The following FBXO10 variants were observed in gnomAD, a reference collection of about 807,000 sequenced individuals.
The protein encoded by FBXO10 is F-box only protein 10.
FBXO10 carries 39 observed loss-of-function variants against 80.7 expected under a neutral mutation model. The observed-to-expected ratio is 0.48, with a 90% CI of 0.37 to 0.63. The LOEUF (loss-of-function observed/expected upper bound fraction) is 0.63. Ranked by LOEUF, FBXO10 falls within the 30% of genes least tolerant of loss-of-function variation. The pLI is 0.00. For synonymous variants in FBXO10, 449 were observed against 489.6 expected, an observed-to-expected ratio of 0.92 and a Z score of 1.09; for missense variants, 1,025 against 1,269.0, an observed-to-expected ratio of 0.81 and a Z score of 2.92.
At chr9:37,562,047 C>T (rs561402323) in intron 1 of FBXO10, among the ~76,000 whole-genome samples, 2 of 152,342 alleles carry the variant, frequency 1.3e-5, no homozygotes, top group Admixed American at 1.3e-4. Context: ...ACCTCCCTCA[C>T]AGCACTGTCC....
At chr9:37,559,702 G>A (rs922496690) in intron 1 of FBXO10, among the ~76,000 whole-genome samples, 10 of 152,234 alleles carry the variant, frequency 6.6e-5, no homozygotes, top group African/African-American at 1.7e-4. Flanking sequence ...GTTACTTCTC[G>A]ACTAGAGCAC....
chr9:37,521,017 T>TCA (rs959873149), intron 8 of FBXO10, among the ~76,000 whole-genome samples: 1 of 152,174 alleles, frequency 6.6e-6, no homozygotes, highest in Admixed American at 6.6e-5. Flanking sequence ...AGGGGGATAT[T>TCA]CACAACAGGT....
chr9:37,533,400 GC>G (rs2119101236), intron 3 of FBXO10, among the ~76,000 whole-genome samples: 1 of 149,082 alleles, frequency 6.7e-6, no homozygotes, highest in South Asian at 2.1e-4. Context: ...ACAAAAACTA[GC>G]CAGGCATGGT....
chr9:37,554,604 T>C, intron 1 of FBXO10, among the ~76,000 whole-genome samples: 1 of 152,216 alleles, frequency 6.6e-6, no homozygotes, highest in Non-Finnish European at 1.5e-5. Flanking sequence ...TTCTTTTCTC[T>C]TATCTCCTCA....
chr9:37,523,221 TAC>T (rs5897689), intron 6 of FBXO10, among the ~76,000 whole-genome samples: 151,936 of 152,214 alleles, frequency 1, 75,830 homozygotes, highest in Middle Eastern at 1. Context: ...GCACCTACTA[TAC>T]ACCCAATGGC....
chr9:37,546,320 C>T (rs1228255776), intron 1 of FBXO10, among the ~76,000 whole-genome samples: 1 of 150,370 alleles, frequency 6.7e-6, no homozygotes, highest in Non-Finnish European at 1.5e-5. Context: ...AAGAGGCTGG[C>T]ATTTGTGAGG....
intron 1 of FBXO10, among the ~76,000 whole-genome samples, chr9:37,552,806 T>C (rs553191924): frequency 3.3e-5 from 5 of 151,994 alleles, no homozygotes; most frequent in Non-Finnish European, 5.9e-5. Context: ...TGTTCTTAGA[T>C]GGTGGAAGGT....
rs774002359 is a variant in FBXO10, at chr9:37,531,877, G to A, written c.1569+32C>T. 17 of 1,606,698 alleles carry A rather than the reference G, an allele frequency of 1.1e-5. No individual in the cohort carries two copies. The South Asian group carries it at 1.7e-4, about 16-fold the overall frequency. On this transcript the variant is annotated intron_variant, in intron 4 of 10. Transcript: ENST00000432825. Reference sequence around the variant, plus strand: ...CACAAATGGTTTCTGAAAACCAAGAGTCACCCTGAATAGGGAACGAACACA... The same window carrying A: ...CACAAATGGTTTCTGAAAACCAAGAATCACCCTGAATAGGGAACGAACACA...
rs536152886 is a variant in FBXO10 at position 37,544,489 on chromosome 9, C to G, written c.-6-2715G>C. ...GACCTTCATCAAATTGTTGACCTCT[C>G]TAGAGCCTTGGGTATCCTCTCAATT... On this transcript the variant is annotated intron_variant, in intron 1 of 10. Transcript: ENST00000432825. Among the ~76,000 whole-genome samples, 11 of 152,324 alleles carry G rather than the reference C, an allele frequency of 7.2e-5. No homozygotes were observed. In the South Asian group the frequency reaches 1.9e-3, roughly 26 times the overall value.
Position 37,537,624 on chromosome 9 carries a change from T to C in FBXO10, c.905A>G (p.Gln302Arg). 6.2e-7 allele frequency: 1 copy of C among 1,614,026 alleles called. No individual in the cohort carries two copies. Among genetic ancestry groups the C allele is most frequent in the East Asian group, 2.2e-5 (1 of 44,882 alleles). The change falls in exon 3 of 11, where the codon CAG becomes CGG. Residue 302 changes from glutamine (Q) to arginine (R), a missense_variant. Around this residue, in one of 3 missense-constraint regions of FBXO10, gnomAD observed 450 missense variants for 499.4 expected, o/e 0.90. Coordinates refer to ENST00000432825, the MANE Select transcript of FBXO10 (RefSeq NM_012166.3). Reference sequence around the variant, plus strand: ...GTCACAGGTCTTTGGGCTCCAGGCCTGGTCCCGGCTCTCTAGGTCCAGGGA... The same window carrying C: ...GTCACAGGTCTTTGGGCTCCAGGCCCGGTCCCGGCTCTCTAGGTCCAGGGA... ...LMSLDLESRD[Q>R]AWSPKTCDIV...
chr9:37,517,747 T>A (rs533530218), intron 9 of FBXO10, among the ~76,000 whole-genome samples: 1 of 152,276 alleles, frequency 6.6e-6, no homozygotes, highest in South Asian at 2.1e-4. Context: ...GCAGGATCTC[T>A]CTCTTCATGA....
At chr9:37,535,752 T>C (rs1171822341) in intron 3 of FBXO10, among the ~76,000 whole-genome samples, 3 of 152,116 alleles carry the variant, frequency 2.0e-5, no homozygotes, top group Non-Finnish European at 4.4e-5. Context: ...GGTGACAGCC[T>C]TCTGTGGGGG....
intron 1 of FBXO10, among the ~76,000 whole-genome samples, chr9:37,574,434 G>A (rs929790498): frequency 1.3e-5 from 2 of 152,178 alleles, no homozygotes; most frequent in Non-Finnish European, 2.9e-5. Context: ...GATAACCACG[G>A]CAACCAAAAT....
chr9:37,535,409 C>T (rs923069563), intron 3 of FBXO10, among the ~76,000 whole-genome samples: 26 of 151,564 alleles, frequency 1.7e-4, no homozygotes, highest in African/African-American at 4.9e-4. Context: ...AATGCAGTGG[C>T]GCAATCTTGG....
In FBXO10 at chr9:37,541,727, G is replaced by A. The variant is rs1441897157; in HGVS notation, c.42C>T (p.Ile14=). The A allele has an allele frequency of 6.2e-7, 1 of 1,612,116 alleles. No individual in the cohort carries two copies. The highest frequency in any genetic ancestry group is 8.5e-7 in the Non-Finnish European group (1 of 1,178,838). ...GGLPLELWRM[I]LAYLHLPDLG... ...GGTCGGGAAGGTGCAAGTAGGCTAAGATCATGCGCCACAGCTCCAAGGGGA... is the reference window on the plus strand; with the variant it reads ...GGTCGGGAAGGTGCAAGTAGGCTAAAATCATGCGCCACAGCTCCAAGGGGA... The change falls in exon 2 of 11, where the codon ATC becomes ATT. Residue 14 remains isoleucine (I), a synonymous_variant. Coordinates refer to ENST00000432825, the MANE Select transcript of FBXO10 (RefSeq NM_012166.3).
At chr9:37,524,988 A>G in intron 6 of FBXO10, 114 bp downstream of exon 6, 1 of 887,956 alleles carries the variant, frequency 1.1e-6, no homozygotes, top group Non-Finnish European at 1.7e-6. Context: ...CACCAGTCAG[A>G]GAAAGAGGCC....
chr9:37,518,323 G>A lies in FBXO10; in HGVS notation c.2316C>T (p.Ala772=). 6.2e-7 allele frequency: 1 copy of A among 1,614,032 alleles called. No individual in the cohort carries two copies. The highest frequency in any genetic ancestry group is 8.5e-7 in the Non-Finnish European group (1 of 1,179,892). The change falls in exon 9 of 11, where the codon GCC becomes GCT. Residue 772 remains alanine, a synonymous_variant. Coordinates refer to ENST00000432825, the MANE Select transcript of FBXO10 (RefSeq NM_012166.3). ...GCCGGTTGCAGGAGATGCTGTTGTTGGCCACTCGGGTGGGTTGGCTGCTCT... is the reference window on the plus strand; with the variant it reads ...GCCGGTTGCAGGAGATGCTGTTGTTAGCCACTCGGGTGGGTTGGCTGCTCT... ...VAQSSQPTRV[A]NNSISCNRQS... is the part of the protein sequence containing the mutation.
At position 37,514,627 on chromosome 9, in the gene FBXO10, G is replaced by A. The variant is rs982296165; in HGVS notation, c.2696+1277C>T. On this transcript the variant is annotated intron_variant, in intron 10 of 10. Transcript: ENST00000432825. ...AAGGCGGGTGGATCACCTGAGGTCA[G>A]GAGTTCGAGACCAGCCTGGTCAACA... 3.3e-5 allele frequency among the ~76,000 whole-genome samples: 5 copies of A among 152,220 alleles called. No homozygotes were observed. In the South Asian group the frequency reaches 1.0e-3, roughly 32 times the overall value.
At chr9:37,556,862 T>C (rs1398025920) in intron 1 of FBXO10, among the ~76,000 whole-genome samples, 1 of 152,226 alleles carries the variant, frequency 6.6e-6, no homozygotes, top group Non-Finnish European at 1.5e-5. Context: ...TATTCTTTAA[T>C]GGAATATGTC....
Sources: allele counts gnomAD v4.1 joint callset (sites outside exome capture counted in the v4.1 genomes callset), GRCh38; gene constraint gnomAD v4.1.1; regional missense constraint gnomAD v4.1.1; transcripts MANE v1.5; gene names NCBI Gene and HGNC (gene_info 2026-07-23, HGNC 2026-07-21).